The following PDE1C variants were observed in gnomAD, a reference collection of about 807,000 sequenced individuals.
PDE1C encodes the protein dual specificity calcium/calmodulin-dependent 3',5'-cyclic nucleotide phosphodiesterase 1C.
A neutral mutation model predicts 93.1 loss-of-function variants in PDE1C; 62 were observed. The observed-to-expected ratio is 0.67, with a 90% CI of 0.54 to 0.82. The LOEUF (loss-of-function observed/expected upper bound fraction) is 0.82, where lower values mean the gene tolerates loss of function less well. Ranked by LOEUF, PDE1C falls within the 40% of genes least tolerant of loss-of-function variation. PDE1C has a pLI of 0.00. For synonymous variants in PDE1C, 325 were observed against 310.1 expected, an observed-to-expected ratio of 1.05 and a Z score of -0.50; for missense variants, 742 against 884.6, an observed-to-expected ratio of 0.84 and a Z score of 2.04.
intron 3 of PDE1C, among the ~76,000 whole-genome samples, chr7:32,159,745 T>C (rs1341740542): frequency 6.6e-6 from 1 of 152,146 alleles, no homozygotes; most frequent in Non-Finnish European, 1.5e-5. Flanking sequence ...GGGTGAGACC[T>C]GAGTGTCCTC....
chr7:31,642,891 G>T, the PDE1C span: 3 of 1,614,024 alleles, frequency 1.9e-6, no homozygotes, highest in East Asian at 6.7e-5. Context: ...AAGAGTTTCT[G>T]CTTGAGGCCA....
intron 3 of PDE1C, among the ~76,000 whole-genome samples, chr7:32,082,176 G>C (rs954655823): frequency 2.0e-5 from 3 of 151,866 alleles, no homozygotes; most frequent in African/African-American, 7.3e-5. Flanking sequence ...GCGCTTTTCC[G>C]ACGGGCTTAA....
intron 6 of PDE1C, among the ~76,000 whole-genome samples, chr7:31,868,329 A>C (rs1249727704): frequency 1.3e-5 from 2 of 152,198 alleles, no homozygotes; most frequent in Admixed American, 1.3e-4. Context: ...TATTAATGAT[A>C]AATTTACCAA....
At chr7:32,379,905 G>T (rs747492173) in intron 1 of PDE1C, among the ~76,000 whole-genome samples, 33 of 152,106 alleles carry the variant, frequency 2.2e-4, no homozygotes, top group Non-Finnish European at 4.6e-4. Flanking sequence ...AATCAGTGTT[G>T]CCAGGACTCC....
At chr7:31,743,125 C>T in the PDE1C span, among the ~76,000 whole-genome samples, 3 of 152,162 alleles carry the variant, frequency 2.0e-5, no homozygotes, top group African/African-American at 7.2e-5. Context: ...CTCTACCAAT[C>T]CATCTCCATT....
At chr7:31,933,421 G>A (rs1204501581) in intron 2 of PDE1C, among the ~76,000 whole-genome samples, 2 of 152,154 alleles carry the variant, frequency 1.3e-5, no homozygotes, top group African/African-American at 2.4e-5. Flanking sequence ...CAATTTTCCA[G>A]AATAGAGGAG....
chr7:31,828,288 G>A lies in PDE1C; in HGVS notation c.1285+4C>T, dbSNP rs182187841. On this transcript the variant is annotated splice_donor_region_variant and intron_variant, in intron 12 of 17. Transcript: ENST00000396191. Reference sequence around the variant, plus strand: ...CTTCTATCCAAAGAGCTGCAAACACGTACCTACTTGTGACTGAGCAACCAT... The same window carrying A: ...CTTCTATCCAAAGAGCTGCAAACACATACCTACTTGTGACTGAGCAACCAT... 250 of 1,610,192 alleles carry A rather than the reference G, an allele frequency of 1.6e-4. 6 individuals carry two copies. The highest frequency in any genetic ancestry group is 9.7e-4 in the African/African-American group (73 of 74,930).
chr7:31,917,975 A>G (rs1174924543), intron 2 of PDE1C, among the ~76,000 whole-genome samples: 2 of 152,208 alleles, frequency 1.3e-5, no homozygotes, highest in Admixed American at 1.3e-4. Flanking sequence ...CCACAACCCC[A>G]TATATCAAAG....
rs193082810 is a variant in PDE1C at position 32,025,341 on chromosome 7, T to A, written c.128+26213A>T. 3.9e-5 allele frequency among the ~76,000 whole-genome samples: 6 copies of A among 152,028 alleles called. No homozygotes were observed. The East Asian group carries it at 1.2e-3, about 29-fold the overall frequency. ...AACAGCTTGAAACCCAAGGCCAGGG[T>A]CCAGATGGGTGTAGAGACGAGCTGG... On this transcript the variant is annotated intron_variant, in intron 2 of 17. Transcript: ENST00000396191.
chr7:32,018,979 T>C (rs1303770001), intron 2 of PDE1C, among the ~76,000 whole-genome samples: 1 of 151,720 alleles, frequency 6.6e-6, no homozygotes, highest in African/African-American at 2.4e-5. Flanking sequence ...GAGGATACAG[T>C]CATGTTGCTA....
At chr7:31,637,357 T>G in the PDE1C span, among the ~76,000 whole-genome samples, 1 of 152,124 alleles carries the variant, frequency 6.6e-6, no homozygotes, top group Non-Finnish European at 1.5e-5. Context: ...CCACCAACAG[T>G]GTAAAAGTGT....
At chr7:31,636,429 A>G in the PDE1C span, among the ~76,000 whole-genome samples, 2 of 152,316 alleles carry the variant, frequency 1.3e-5, no homozygotes, top group East Asian at 3.9e-4. Context: ...GATTGTTTGA[A>G]AAGTTGAAAT....
chr7:31,821,638 T>C (rs1788980875), intron 14 of PDE1C, among the ~76,000 whole-genome samples: 1 of 152,124 alleles, frequency 6.6e-6, no homozygotes, highest in African/African-American at 2.4e-5. Flanking sequence ...GCTCCCTCCA[T>C]AGCTCAGGGT....
chr7:32,269,940 AT>A (rs1020991983), intron 1 of PDE1C, among the ~76,000 whole-genome samples: 2 of 150,416 alleles, frequency 1.3e-5, no homozygotes, highest in East Asian at 2.0e-4. Context: ...TGTCTGGCTA[AT>A]TTTTTTTTAT....
intron 2 of PDE1C, among the ~76,000 whole-genome samples, chr7:31,902,066 G>A (rs1800047683): frequency 6.6e-6 from 1 of 151,282 alleles, no homozygotes; most frequent in Non-Finnish European, 1.5e-5. Flanking sequence ...AGTGGAAAAG[G>A]TTTCTCTAAG....
intron 3 of PDE1C, among the ~76,000 whole-genome samples, chr7:32,089,896 C>T (rs566228242): frequency 2.4e-4 from 36 of 152,314 alleles, no homozygotes; most frequent in Middle Eastern, 3.4e-3. Flanking sequence ...TTTTCCTTCT[C>T]TCCACAAGGA....
chr7:31,872,302 G>A (rs533876762), intron 6 of PDE1C, among the ~76,000 whole-genome samples: 2 of 152,206 alleles, frequency 1.3e-5, no homozygotes, highest in East Asian at 3.9e-4. Context: ...AAGGATTAAA[G>A]TCTAATGTTC....
At chr7:32,237,768 T>TATATAC (rs1415805492) in intron 1 of PDE1C, among the ~76,000 whole-genome samples, 1 of 10,744 alleles carries the variant, frequency 9.3e-5, no homozygotes, top group Non-Finnish European at 2.0e-4. Flanking sequence ...ATATACTTTT[T>TATATAC]TTTTTTTTTT....
chr7:32,156,264 T>A (rs910274436), intron 3 of PDE1C, among the ~76,000 whole-genome samples: 1 of 152,136 alleles, frequency 6.6e-6, no homozygotes, highest in African/African-American at 2.4e-5. Context: ...CATTAACTAT[T>A]TATCCTCATG....
Sources: allele counts gnomAD v4.1 joint callset (sites outside exome capture counted in the v4.1 genomes callset), GRCh38; gene constraint gnomAD v4.1.1; transcripts MANE v1.5; gene names NCBI Gene and HGNC (gene_info 2026-07-23, HGNC 2026-07-21).